NAALADL2: variants seen among roughly 807,000 people sequenced by gnomAD.
NAALADL2 encodes the protein inactive N-acetylated-alpha-linked acidic dipeptidase-like protein 2.
In NAALADL2, 76 loss-of-function variants were observed where a neutral mutation model predicts 87.2. The observed-to-expected ratio is 0.87, with a 90% CI of 0.72 to 1.05. The LOEUF is 1.05. NAALADL2 is among the 50% of genes least tolerant of loss of function. The pLI is 0.00. For missense variants in NAALADL2, 1,089 were observed against 945.8 expected (o/e 1.15, Z -1.99); for synonymous variants, 354 against 331.0 (o/e 1.07, Z -0.75).
chr3:175,735,307 T>A (rs1039646987), intron 11 of NAALADL2, among the ~76,000 whole-genome samples: 3 of 152,210 alleles, frequency 2.0e-5, no homozygotes, highest in Admixed American at 6.5e-5. Context: ...CAAATCTCTA[T>A]GGAGTTGCAA....
chr3:174,925,110 A>G (rs534540134), intron 1 of NAALADL2, among the ~76,000 whole-genome samples: 1 of 152,122 alleles, frequency 6.6e-6, no homozygotes, highest in African/African-American at 2.4e-5. Context: ...TTTTGTTGCC[A>G]TTGCTCTTGG....
intron 9 of NAALADL2, among the ~76,000 whole-genome samples, chr3:175,514,843 T>C (rs62287084): frequency 0.11 from 17,363 of 152,254 alleles, 1,102 homozygotes; most frequent in African/African-American, 0.14. Flanking sequence ...TCTGTGTGTA[T>C]AGACACATGT....
intron 5 of NAALADL2, among the ~76,000 whole-genome samples, chr3:175,394,699 G>A (rs572271087): frequency 6.6e-6 from 1 of 152,132 alleles, no homozygotes; most frequent in African/African-American, 2.4e-5. Flanking sequence ...TATGCTCCAA[G>A]ACCCCAAGTG....
intron 13 of NAALADL2, among the ~76,000 whole-genome samples, chr3:175,765,093 C>G (rs1246685403): frequency 6.6e-6 from 1 of 151,952 alleles, no homozygotes; most frequent in Admixed American, 6.6e-5. Flanking sequence ...TTAAGAATTA[C>G]CATAATGCTT....
intron 1 of NAALADL2, among the ~76,000 whole-genome samples, chr3:174,495,804 G>C (rs1718498176): frequency 6.6e-6 from 1 of 152,020 alleles, no homozygotes; most frequent in African/African-American, 2.4e-5. Flanking sequence ...TTCTAATTTA[G>C]TACTATTGAG....
intron 11 of NAALADL2, among the ~76,000 whole-genome samples, chr3:175,692,871 A>C (rs1384995812): frequency 6.6e-6 from 1 of 152,154 alleles, no homozygotes; most frequent in African/African-American, 2.4e-5. Context: ...AGGGGTATAA[A>C]TTCAAGGAGC....
At chr3:175,592,169 T>C (rs979122923) in intron 10 of NAALADL2, among the ~76,000 whole-genome samples, 1 of 152,170 alleles carries the variant, frequency 6.6e-6, no homozygotes, top group African/African-American at 2.4e-5. Flanking sequence ...TGGTATCTTT[T>C]TAATTCAGAA....
At chr3:175,770,343 T>C (rs944206033) in intron 13 of NAALADL2, among the ~76,000 whole-genome samples, 6 of 152,326 alleles carry the variant, frequency 3.9e-5, no homozygotes, top group African/African-American at 4.8e-5. Flanking sequence ...ACAGCTATGA[T>C]GTAGAAAGAA....
intron 3 of NAALADL2, among the ~76,000 whole-genome samples, chr3:174,753,246 T>C (rs977361109): frequency 6.6e-6 from 1 of 152,192 alleles, no homozygotes; most frequent in African/African-American, 2.4e-5. Flanking sequence ...GCTAATTTTT[T>C]TGTATTTTTA....
Position 175,314,702 on chromosome 3 carries a change from A to C in NAALADL2, c.940-9473A>C, listed in dbSNP as rs1194142817. ...TATATATATATATATATATATATAT[A>C]TATATATATATATATATATAGTTAG... On this transcript the variant is annotated intron_variant, in intron 4 of 13. Transcript: ENST00000454872. Among the ~76,000 whole-genome samples the C allele has an allele frequency of 1.0e-3, 98 of 93,814 alleles. 1 individual carries two copies. Among genetic ancestry groups the C allele is most frequent in the African/African-American group, 4.1e-3 (96 of 23,356 alleles). 61.5% of individuals were successfully genotyped at this position (93,814 alleles called of 152,430 possible).
intron 11 of NAALADL2, among the ~76,000 whole-genome samples, chr3:175,733,115 A>G (rs555335704): frequency 1.2e-4 from 18 of 152,168 alleles, no homozygotes; most frequent in Admixed American, 5.9e-4. Context: ...ACATTTTCCC[A>G]AGCAGATAGA....
chr3:174,838,332 AG>A (rs1156709752), intron 3 of NAALADL2, among the ~76,000 whole-genome samples: 2 of 152,190 alleles, frequency 1.3e-5, no homozygotes, highest in Non-Finnish European at 2.9e-5. Flanking sequence ...TTGGCATACA[AG>A]GGGCATACCT....
At chr3:175,793,303 C>CTT (rs1553775675) in intron 13 of NAALADL2, among the ~76,000 whole-genome samples, 1 of 126,210 alleles carries the variant, frequency 7.9e-6, no homozygotes. Context: ...ACAGCATTTT[C>CTT]TTTCTTTTTT....
At chr3:175,691,316 T>C (rs1029367304) in intron 11 of NAALADL2, among the ~76,000 whole-genome samples, 2 of 151,308 alleles carry the variant, frequency 1.3e-5, no homozygotes, top group African/African-American at 4.8e-5. Context: ...CATTTCTTAT[T>C]AATTTTATCT....
At position 175,234,213 on chromosome 3, in the gene NAALADL2, A is replaced by G. The variant is rs1416435886; in HGVS notation, c.819+9A>G. 1 of 1,610,236 alleles carries G rather than the reference A, an allele frequency of 6.2e-7. No homozygotes were observed. The highest frequency in any genetic ancestry group is 2.2e-5 in the East Asian group (1 of 44,818). ...CCAAAGGAACTCTCAAGGTAATATG[A>G]CCATTTGTCTCTGTCATTTACAGTG... On this transcript the variant is annotated intron_variant, in intron 3 of 13. Coordinates refer to ENST00000454872, the MANE Select transcript of NAALADL2 (RefSeq NM_207015.3).
chr3:174,457,597 G>A (rs1328137948), intron 1 of NAALADL2, among the ~76,000 whole-genome samples: 4 of 152,150 alleles, frequency 2.6e-5, no homozygotes, highest in Non-Finnish European at 5.9e-5. Context: ...AGGCTGAGGT[G>A]GGCAGATCAT....
chr3:175,632,151 G>C (rs1359552304), intron 11 of NAALADL2, among the ~76,000 whole-genome samples: 2 of 151,946 alleles, frequency 1.3e-5, no homozygotes, highest in Admixed American at 6.6e-5. Flanking sequence ...TGTTGCAGGA[G>C]GGACCTAGTG....
intron 11 of NAALADL2, among the ~76,000 whole-genome samples, chr3:175,714,045 A>T (rs137859540): frequency 2.3e-3 from 351 of 152,202 alleles, no homozygotes; most frequent in African/African-American, 8.3e-3. Context: ...CCATGTTTCT[A>T]CAAAGGACAT....
intron 5 of NAALADL2, among the ~76,000 whole-genome samples, chr3:175,423,470 T>A (rs1716231868): frequency 7.2e-6 from 1 of 138,738 alleles, no homozygotes; most frequent in Non-Finnish European, 1.5e-5. Flanking sequence ...CCTGTGTCCA[T>A]GTGTTCTCAT....
Sources: gnomAD v4.1 joint callset for allele counts (sites outside exome capture counted in the v4.1 genomes callset) on GRCh38, gnomAD v4.1.1 for gene constraint, MANE v1.5 for transcripts, NCBI Gene and HGNC (gene_info 2026-07-23, HGNC 2026-07-21) for gene names.